Variants in EFCAB11 observed in about 807,000 individuals in gnomAD.
EFCAB11 encodes the protein EF-hand calcium binding domain 11.
EFCAB11 carries 14 observed loss-of-function variants against 23.0 expected under a neutral mutation model. That is an observed-to-expected ratio of 0.61 (90% CI 0.40 to 0.95). The LOEUF (loss-of-function observed/expected upper bound fraction) is 0.95, where lower values mean the gene tolerates loss of function less well. EFCAB11 is among the 40% of genes least tolerant of loss of function. EFCAB11 has a pLI of 0.00. For synonymous variants in EFCAB11, 65 were observed against 66.6 expected (o/e 0.98, Z 0.11); for missense variants, 198 against 195.8 (o/e 1.01, Z -0.07).
intron 5 of EFCAB11, among the ~76,000 whole-genome samples, chr14:89,924,980 T>C (rs771026013): frequency 5.3e-5 from 8 of 152,208 alleles, no homozygotes; most frequent in Non-Finnish European, 1.2e-4. Flanking sequence ...TTGTACTAAT[T>C]TATGGGGATA....
intron 5 of EFCAB11, among the ~76,000 whole-genome samples, chr14:89,921,887 C>T (rs549486239): frequency 6.6e-6 from 1 of 150,466 alleles, no homozygotes; most frequent in South Asian, 2.1e-4. Context: ...ATACAGATTT[C>T]TCTTATTTTA....
At chr14:89,835,622 G>GTGTGTA (rs1887050892) in intron 5 of EFCAB11, among the ~76,000 whole-genome samples, 2 of 150,148 alleles carry the variant, frequency 1.3e-5, no homozygotes, top group Non-Finnish European at 3.0e-5. Flanking sequence ...GTGTGTGTGT[G>GTGTGTA]TGTGTGTGTG....
rs114369385 is a variant in EFCAB11 at position 89,871,937 on chromosome 14, C to G, written c.410+59604G>C. Among the ~76,000 whole-genome samples, 356 of 152,310 alleles carry G rather than the reference C, an allele frequency of 2.3e-3. 1 individual carries two copies. The highest frequency in any genetic ancestry group is 7.8e-3 in the African/African-American group (325 of 41,556). On this transcript the variant is annotated intron_variant, in intron 5 of 5. Transcript: ENST00000316738. ...GAACAGAGACTGCTGACAGTGGGTT[C>G]TCCAGATCCCACTGCAGCCCTATGA...
At chr14:89,827,726 C>T (rs750035432) in intron 5 of EFCAB11, among the ~76,000 whole-genome samples, 7 of 151,240 alleles carry the variant, frequency 4.6e-5, no homozygotes, top group Non-Finnish European at 8.8e-5. Flanking sequence ...CTCCGCCTCC[C>T]GGGTTCAAGC....
At chr14:89,927,156 C>T (rs1890219086) in intron 5 of EFCAB11, among the ~76,000 whole-genome samples, 2 of 152,108 alleles carry the variant, frequency 1.3e-5, no homozygotes, top group Non-Finnish European at 2.9e-5. Flanking sequence ...TTCCTTGATG[C>T]CTATGTCCAA....
intron 3 of EFCAB11, among the ~76,000 whole-genome samples, chr14:89,942,869 C>A (rs995025293): frequency 6.6e-6 from 1 of 152,176 alleles, no homozygotes; most frequent in Non-Finnish European, 1.5e-5. Flanking sequence ...TTAATTTTCA[C>A]GAGGAAATCT....
intron 3 of EFCAB11, among the ~76,000 whole-genome samples, chr14:89,933,566 TATTTAC>T (rs1566817691): frequency 6.6e-6 from 1 of 152,262 alleles, no homozygotes; most frequent in African/African-American, 2.4e-5. Context: ...CCTACATCTT[TATTTAC>T]ATTTAAAGAT....
intron 5 of EFCAB11, among the ~76,000 whole-genome samples, chr14:89,798,597 T>C (rs566504334): frequency 1.3e-5 from 2 of 152,370 alleles, no homozygotes; most frequent in South Asian, 2.1e-4. Flanking sequence ...TGAACTGGTA[T>C]GGTTGAACTA....
intron 5 of EFCAB11, among the ~76,000 whole-genome samples, chr14:89,876,282 G>A (rs577496152): frequency 6.6e-6 from 1 of 151,996 alleles, no homozygotes; most frequent in Non-Finnish European, 1.5e-5. Context: ...AGGAGGAGGA[G>A]GAGATGTTTC....
chr14:89,934,460 CA>C (rs138540446), intron 3 of EFCAB11, among the ~76,000 whole-genome samples: 2,328 of 152,194 alleles, frequency 0.015, 27 homozygotes, highest in Middle Eastern at 0.031. Context: ...GGGGGAAGAG[CA>C]AAATTGGGGC....
At chr14:89,951,515 T>A (rs1277499479) in intron 2 of EFCAB11, among the ~76,000 whole-genome samples, 1 of 152,204 alleles carries the variant, frequency 6.6e-6, no homozygotes, top group African/African-American at 2.4e-5. Flanking sequence ...TCTTTCTATA[T>A]TAAACTCTGA....
chr14:89,928,710 TTAA>T (rs1356578106), intron 5 of EFCAB11, among the ~76,000 whole-genome samples: 5 of 147,832 alleles, frequency 3.4e-5, no homozygotes, highest in Admixed American at 6.8e-5. Context: ...TATACAATTA[TTAA>T]TAATATATAA....
chr14:89,939,503 G>A (rs2139825112), intron 3 of EFCAB11, among the ~76,000 whole-genome samples: 1 of 152,256 alleles, frequency 6.6e-6, no homozygotes, highest in East Asian at 1.9e-4. Context: ...ACAGGAGCAG[G>A]AGGCGGGGCA....
chr14:89,862,607 T>G (rs1887958838), intron 5 of EFCAB11, among the ~76,000 whole-genome samples: 1 of 152,244 alleles, frequency 6.6e-6, no homozygotes, highest in Non-Finnish European at 1.5e-5. Context: ...GATCAGATTT[T>G]AGTTGTGTTG....
intron 5 of EFCAB11, among the ~76,000 whole-genome samples, chr14:89,873,685 G>A (rs537655083): frequency 6.6e-6 from 1 of 152,302 alleles, no homozygotes; most frequent in East Asian, 1.9e-4. Context: ...CAGGCCCCAT[G>A]CAACTCCTAA....
rs138277480 is a variant in EFCAB11, at chr14:89,887,383, A to G, written c.410+44158T>C. The stretch of plus-strand genomic sequence containing the variant: ...AGATACACATGATCACATAGGAGTA[A>G]TAAATTAGACATAAGCTTTCTAAGC... On this transcript the variant is annotated intron_variant, in intron 5 of 5. Transcript: ENST00000316738. 3.6e-3 allele frequency among the ~76,000 whole-genome samples: 544 copies of G among 152,362 alleles called. 4 individuals are homozygous for G. The highest frequency in any genetic ancestry group is 0.013 in the African/African-American group (531 of 41,590).
At chr14:89,838,907 A>G (rs1887168958) in intron 5 of EFCAB11, among the ~76,000 whole-genome samples, 1 of 152,228 alleles carries the variant, frequency 6.6e-6, no homozygotes, top group Admixed American at 6.5e-5. Context: ...CAGGCGGCTA[A>G]AGTAACACAG....
intron 3 of EFCAB11, among the ~76,000 whole-genome samples, chr14:89,942,491 C>CT (rs1890826913): frequency 6.6e-6 from 1 of 152,146 alleles, no homozygotes; most frequent in Non-Finnish European, 1.5e-5. Flanking sequence ...CAGGTCTCTT[C>CT]TAGTTGCAAG....
At chr14:89,809,338 C>A (rs1886075776) in intron 5 of EFCAB11, among the ~76,000 whole-genome samples, 1 of 152,202 alleles carries the variant, frequency 6.6e-6, no homozygotes, top group African/African-American at 2.4e-5. Context: ...TGGGAAGAAA[C>A]TGCTCTCCCA....
Sources: allele counts gnomAD v4.1 joint callset (sites outside exome capture counted in the v4.1 genomes callset), GRCh38; gene constraint gnomAD v4.1.1; transcripts MANE v1.5; gene names NCBI Gene and HGNC (gene_info 2026-07-23, HGNC 2026-07-21).